The following SEZ6L variants were observed in gnomAD, a reference collection of about 807,000 sequenced individuals.
SEZ6L encodes the protein seizure related 6 homolog like, also known as seizure 6-like protein.
SEZ6L carries 37 observed loss-of-function variants against 106.2 expected under a neutral mutation model. The observed-to-expected ratio is 0.35, with a 90% CI of 0.27 to 0.46. The LOEUF (loss-of-function observed/expected upper bound fraction) is 0.46. Ranked by LOEUF, SEZ6L falls within the 20% of genes least tolerant of loss-of-function variation. The pLI is 1.00. For synonymous variants in SEZ6L, 541 were observed against 570.4 expected (o/e 0.95, Z 0.73); for missense variants, 1,172 against 1,332.8 (o/e 0.88, Z 1.88).
At chr22:26,315,504 G>A (rs1236129202) in intron 9 of SEZ6L, among the ~76,000 whole-genome samples, 1 of 151,982 alleles carries the variant, frequency 6.6e-6, no homozygotes, top group East Asian at 1.9e-4. Context: ...GTCCCCAGAG[G>A]CTGTCCCAGA....
chr22:26,249,061 T>A (rs1314135790), intron 1 of SEZ6L, among the ~76,000 whole-genome samples: 1 of 152,222 alleles, frequency 6.6e-6, no homozygotes, highest in East Asian at 1.9e-4. Flanking sequence ...CATATAATAA[T>A]CTTATGTATT....
chr22:26,177,852 T>G (rs1395347792), intron 1 of SEZ6L, among the ~76,000 whole-genome samples: 2 of 152,164 alleles, frequency 1.3e-5, no homozygotes, highest in African/African-American at 2.4e-5. Context: ...GATTCTTATC[T>G]GCCTCAATCC....
At chr22:26,172,692 G>A (rs896826214) in intron 1 of SEZ6L, among the ~76,000 whole-genome samples, 4 of 152,332 alleles carry the variant, frequency 2.6e-5, no homozygotes, top group Middle Eastern at 3.4e-3. Context: ...GCTCCTCTCA[G>A]CCTGGAGGCC....
At chr22:26,245,630 G>A (rs1048198990) in intron 1 of SEZ6L, among the ~76,000 whole-genome samples, 4 of 152,178 alleles carry the variant, frequency 2.6e-5, no homozygotes, top group Non-Finnish European at 5.9e-5. Flanking sequence ...CAAAATGCTA[G>A]CAGTTATTGT....
chr22:26,271,198 C>G (rs535780212), intron 1 of SEZ6L, among the ~76,000 whole-genome samples: 1 of 152,136 alleles, frequency 6.6e-6, no homozygotes, highest in Admixed American at 6.5e-5. Flanking sequence ...CGTAATTATT[C>G]GTAGTATGTA....
chr22:26,369,349 T>TC lies in SEZ6L; in HGVS notation c.2794+3783_2794+3784insC, dbSNP rs2146069072. Among the ~76,000 whole-genome samples the TC allele has an allele frequency of 1.9e-5, 2 of 104,698 alleles. 1 individual carries two copies. Among genetic ancestry groups the TC allele is most frequent in the Non-Finnish European group, 3.7e-5 (2 of 53,710 alleles). 68.7% of individuals were successfully genotyped at this position (104,698 alleles called of 152,430 possible). ...GACTTATATAAGCAGTTCTTTTGTTTTTTTTTTTGAGACAGATTCTCGCTC... is the reference window on the plus strand; with the variant it reads ...GACTTATATAAGCAGTTCTTTTGTTTCTTTTTTTTGAGACAGATTCTCGCTC... On this transcript the variant is annotated intron_variant, in intron 13 of 16. Coordinates refer to ENST00000248933, the MANE Select transcript of SEZ6L (RefSeq NM_021115.5).
At chr22:26,214,847 G>GGTGCCATGTTTCT (rs2078255357) in intron 1 of SEZ6L, among the ~76,000 whole-genome samples, 1 of 151,974 alleles carries the variant, frequency 6.6e-6, no homozygotes, top group South Asian at 2.1e-4. Context: ...GTGGGTGGTG[G>GGTGCCATGTTTCT]GCATGGCATT....
At chr22:26,270,333 TC>T (rs1231624831) in intron 1 of SEZ6L, among the ~76,000 whole-genome samples, 2 of 151,968 alleles carry the variant, frequency 1.3e-5, no homozygotes, top group Non-Finnish European at 2.9e-5. Flanking sequence ...GGCCTCAATT[TC>T]CCCAACTCTA....
In SEZ6L at chr22:26,279,406, A is replaced by G. The variant is rs2080683296; in HGVS notation, c.95-13000A>G. Reference sequence around the variant, plus strand: ...TCTTGGGATTTTCCTGTGCCGTGACATTGGAGGTGTTGAATCACAGAGAGT... The same window carrying G: ...TCTTGGGATTTTCCTGTGCCGTGACGTTGGAGGTGTTGAATCACAGAGAGT... On this transcript the variant is annotated intron_variant, in intron 1 of 16. Coordinates refer to ENST00000248933, the MANE Select transcript of SEZ6L (RefSeq NM_021115.5). 2.0e-5 allele frequency among the ~76,000 whole-genome samples: 3 copies of G among 152,274 alleles called. No individual in the cohort carries two copies. The South Asian group carries it at 6.2e-4, about 32-fold the overall frequency.
At chr22:26,259,513 G>A (rs2079930106) in intron 1 of SEZ6L, among the ~76,000 whole-genome samples, 2 of 152,096 alleles carry the variant, frequency 1.3e-5, no homozygotes, top group South Asian at 4.2e-4. Context: ...TCGGTAAGAG[G>A]CAAAAACTGA....
rs2083103287 is a variant in SEZ6L, at chr22:26,348,592, GAAAGAAAGAAAGAAA to G, written c.2407+680_2407+694del. Among the ~76,000 whole-genome samples, 4 of 61,640 alleles carry G rather than the reference GAAAGAAAGAAAGAAA, an allele frequency of 6.5e-5. 1 individual carries two copies. The highest frequency in any genetic ancestry group is 4.2e-4 in the African/African-American group (4 of 9,530). 40.4% of individuals were successfully genotyped at this position (61,640 alleles called of 152,430 possible). ...AAAGAAAGAAAGAAAGAAAGAGAAAGAAAGAAAGAAAGAAAGAGAAAAAGAAAGAAAGAAAGAAAG... is the reference window on the plus strand; with the variant it reads ...AAAGAAAGAAAGAAAGAAAGAGAAAGGAGAAAAAGAAAGAAAGAAAGAAAG... On this transcript the variant is annotated intron_variant, in intron 11 of 16. Coordinates refer to ENST00000248933, the MANE Select transcript of SEZ6L (RefSeq NM_021115.5).
At chr22:26,304,129 G>A (rs2081536523) in intron 5 of SEZ6L, among the ~76,000 whole-genome samples, 1 of 151,998 alleles carries the variant, frequency 6.6e-6, no homozygotes, top group Non-Finnish European at 1.5e-5. Flanking sequence ...CAAGGCAGGT[G>A]GATCACGAGG....
At chr22:26,317,779 G>T (rs1313323430) in intron 9 of SEZ6L, among the ~76,000 whole-genome samples, 2 of 152,064 alleles carry the variant, frequency 1.3e-5, no homozygotes, top group African/African-American at 4.8e-5. Flanking sequence ...ATTGAGCATT[G>T]ACCAGGAGAG....
At chr22:26,348,700 AAG>A (rs1491172436) in intron 11 of SEZ6L, among the ~76,000 whole-genome samples, 1 of 93,100 alleles carries the variant, frequency 1.1e-5, no homozygotes, top group Non-Finnish European at 2.1e-5. Flanking sequence ...GAAAGAAAGA[AAG>A]AAGGCAAGGG....
chr22:26,222,632 C>G (rs1266874036), intron 1 of SEZ6L, among the ~76,000 whole-genome samples: 12 of 152,128 alleles, frequency 7.9e-5, no homozygotes, highest in Non-Finnish European at 1.5e-4. Flanking sequence ...ACAGCAAAAT[C>G]CTCTGGTGTA....
chr22:26,348,924 G>A (rs1244145137), intron 11 of SEZ6L, among the ~76,000 whole-genome samples: 1 of 106,930 alleles, frequency 9.4e-6, no homozygotes, highest in Non-Finnish European at 1.9e-5. Flanking sequence ...GGGAGGGAGG[G>A]AAGGAAGGAA....
chr22:26,294,945 T>TTCTTTCTG (rs1193406187), intron 3 of SEZ6L, among the ~76,000 whole-genome samples: 2 of 150,722 alleles, frequency 1.3e-5, no homozygotes, highest in East Asian at 3.9e-4. Context: ...CTTTCTTTCT[T>TTCTTTCTG]TCTTTCTTTC....
At chr22:26,281,697 C>G (rs770827090) in intron 1 of SEZ6L, among the ~76,000 whole-genome samples, 7 of 152,086 alleles carry the variant, frequency 4.6e-5, no homozygotes, top group Non-Finnish European at 7.4e-5. Context: ...TTAGAAATTA[C>G]CCAGTTCCGA....
At chr22:26,200,048 G>A (rs1237857502) in intron 1 of SEZ6L, among the ~76,000 whole-genome samples, 1 of 152,214 alleles carries the variant, frequency 6.6e-6, no homozygotes, top group African/African-American at 2.4e-5. Flanking sequence ...ACTGAGCAAA[G>A]ATCACACCAA....
Sources: gnomAD v4.1 joint callset for allele counts (sites outside exome capture counted in the v4.1 genomes callset) on GRCh38, gnomAD v4.1.1 for gene constraint, MANE v1.5 for transcripts, NCBI Gene and HGNC (gene_info 2026-07-23, HGNC 2026-07-21) for gene names.